Variants in SGK3 observed in about 807,000 individuals in gnomAD.
SGK3 encodes serine/threonine-protein kinase Sgk3.
SGK3 carries 47 observed loss-of-function variants against 68.5 expected under a neutral mutation model. That is an observed-to-expected ratio of 0.69 (90% confidence interval 0.54 to 0.87). The LOEUF is 0.87. Ranked by LOEUF, SGK3 falls within the 40% of genes least tolerant of loss-of-function variation. The probability of loss-of-function intolerance (pLI) is 0.00; values close to 1 mark genes in which losing one functional copy is unlikely to be tolerated. For missense variants in SGK3, 479 were observed against 575.5 expected (o/e 0.83, Z 1.72); for synonymous variants, 181 against 189.1 (o/e 0.96, Z 0.35).
At chr8:66,728,488 A>C (rs1805043378) in intron 1 of SGK3, among the ~76,000 whole-genome samples, 1 of 151,974 alleles carries the variant, frequency 6.6e-6, no homozygotes, top group South Asian at 2.1e-4. Context: ...CATCACGCCC[A>C]GCTAATTTTT....
At position 66,749,123 on chromosome 8, in the gene SGK3, G is replaced by A. The variant is rs386431347; in HGVS notation, c.-122+36290G>A. 2.9e-3 allele frequency among the ~76,000 whole-genome samples: 449 copies of A among 152,262 alleles called. 3 individuals carry two copies. The highest frequency in any genetic ancestry group is 4.7e-3 in the Non-Finnish European group (319 of 68,020). ...AGAGAAAATATGGTTAAGAAAATAC[G>A]AGAGTGGAAGGGATGGACCCATATT... On this transcript the variant is annotated intron_variant, in intron 1 of 16. Transcript: ENST00000521198.
At chr8:66,720,397 T>C (rs572719958) in intron 1 of SGK3, among the ~76,000 whole-genome samples, 3 of 152,070 alleles carry the variant, frequency 2.0e-5, no homozygotes, top group African/African-American at 7.2e-5. Context: ...CTTTTAGAGG[T>C]TGAGGTGGGC....
chr8:66,817,478 G>A (rs780272272), intron 5 of SGK3, among the ~76,000 whole-genome samples: 1 of 150,868 alleles, frequency 6.6e-6, no homozygotes, highest in Non-Finnish European at 1.5e-5. Context: ...TCAGCCTCCC[G>A]GGTAGCTGGG....
chr8:66,775,584 A>T (rs1293293565), intron 1 of SGK3: 1 of 152,324 alleles, frequency 6.6e-6, no homozygotes, highest in Non-Finnish European at 1.5e-5. Flanking sequence ...TCCGAGACAG[A>T]AAACGTTTGA....
chr8:66,827,045 AAAAT>A (rs1402042799), intron 6 of SGK3, among the ~76,000 whole-genome samples: 1 of 152,174 alleles, frequency 6.6e-6, no homozygotes, highest in Non-Finnish European at 1.5e-5. Context: ...AATTTAAGTA[AAAAT>A]AAATACTACA....
At chr8:66,765,654 C>A (rs893619587) in intron 1 of SGK3, among the ~76,000 whole-genome samples, 3 of 152,062 alleles carry the variant, frequency 2.0e-5, no homozygotes, top group African/African-American at 4.8e-5. Context: ...TCATTCAGTG[C>A]AAAATATGTT....
At chr8:66,834,463 G>GGGTTT (rs889803867) in intron 8 of SGK3, among the ~76,000 whole-genome samples, 5 of 144,970 alleles carry the variant, frequency 3.4e-5, no homozygotes, top group African/African-American at 1.4e-4. Context: ...GCTACTGGCA[G>GGGTTT]GGTTTTGTTT....
intron 14 of SGK3, among the ~76,000 whole-genome samples, chr8:66,845,773 G>T (rs1304484292): frequency 6.6e-6 from 1 of 151,272 alleles, no homozygotes; most frequent in African/African-American, 2.4e-5. Context: ...GCCTAGGCTG[G>T]TCTCAAACTC....
At chr8:66,833,215 A>G (rs568603196) in intron 8 of SGK3, among the ~76,000 whole-genome samples, 1 of 152,290 alleles carries the variant, frequency 6.6e-6, no homozygotes, top group African/African-American at 2.4e-5. Context: ...CATGTTGGCC[A>G]GGCTGGTCTT....
At chr8:66,801,351 G>C (rs1285687421) in intron 3 of SGK3, among the ~76,000 whole-genome samples, 2 of 151,878 alleles carry the variant, frequency 1.3e-5, no homozygotes, top group African/African-American at 2.4e-5. Context: ...ATTGAGATAG[G>C]TTTTTTTTCT....
At chr8:66,739,312 G>A (rs148403295) in intron 1 of SGK3, among the ~76,000 whole-genome samples, 1 of 152,216 alleles carries the variant, frequency 6.6e-6, no homozygotes, top group Non-Finnish European at 1.5e-5. Flanking sequence ...TGCTCTTGTG[G>A]GAAGTAATCC....
chr8:66,772,663 C>A (rs1440355448), intron 1 of SGK3, among the ~76,000 whole-genome samples: 2 of 151,654 alleles, frequency 1.3e-5, no homozygotes, highest in African/African-American at 4.9e-5. Context: ...CGGGTTCACG[C>A]CATTCTCCTG....
At chr8:66,819,934 C>T (rs1808742162) in intron 5 of SGK3, among the ~76,000 whole-genome samples, 1 of 151,692 alleles carries the variant, frequency 6.6e-6, no homozygotes, top group Non-Finnish European at 1.5e-5. Flanking sequence ...TCTCCTGCCT[C>T]AGCCTCCTGA....
intron 8 of SGK3, among the ~76,000 whole-genome samples, chr8:66,833,003 A>ATTTTTT (rs796444821): frequency 0.018 from 2,591 of 143,910 alleles, 83 homozygotes; most frequent in African/African-American, 0.062. Context: ...TGTTTTTAGA[A>ATTTTTT]TTTTTTTTTT....
chr8:66,781,043 G>A (rs979321613), intron 1 of SGK3, among the ~76,000 whole-genome samples: 15 of 152,126 alleles, frequency 9.9e-5, no homozygotes, highest in Admixed American at 5.9e-4. Flanking sequence ...CAGCTTGACC[G>A]CAGGCCCCAT....
intron 6 of SGK3, among the ~76,000 whole-genome samples, chr8:66,827,920 G>A (rs1809130563): frequency 3.3e-5 from 5 of 152,140 alleles, no homozygotes; most frequent in African/African-American, 4.8e-5. Flanking sequence ...TCAGGAGATC[G>A]AGACCATCCT....
Position 66,809,079 on chromosome 8 carries a change from G to A in SGK3, c.253+4632G>A, listed in dbSNP as rs771970063. Among the ~76,000 whole-genome samples the A allele has an allele frequency of 1.1e-4, 16 of 152,106 alleles. No individual in the cohort carries two copies. The South Asian group carries it at 1.5e-3, about 14-fold the overall frequency. On this transcript the variant is annotated intron_variant, in intron 4 of 16. Transcript: ENST00000521198. ...AGACAGGGTTTCTCCATGTTGGTCA[G>A]GCTGGTTTTGAACTCCAACCTCAGG...
chr8:66,827,614 A>G (rs1809118751), intron 6 of SGK3, among the ~76,000 whole-genome samples: 1 of 152,174 alleles, frequency 6.6e-6, no homozygotes, highest in Admixed American at 6.5e-5. Flanking sequence ...ATAAAAAATG[A>G]TCACTGATAG....
At chr8:66,755,961 A>C (rs1020879124) in intron 1 of SGK3, among the ~76,000 whole-genome samples, 2 of 152,122 alleles carry the variant, frequency 1.3e-5, no homozygotes. Context: ...TGATAGCCTG[A>C]ATTGTGTCCC....
Sources: allele counts gnomAD v4.1 joint callset (sites outside exome capture counted in the v4.1 genomes callset), GRCh38; gene constraint gnomAD v4.1.1; transcripts MANE v1.5; gene names NCBI Gene and HGNC (gene_info 2026-07-23, HGNC 2026-07-21).